Variants in RASA4 observed in about 807,000 individuals in gnomAD.
The protein encoded by RASA4 is ras GTPase-activating protein 4.
Under a neutral mutation model 24.0 loss-of-function variants are expected in RASA4, and 5 were observed. The ratio of observed to expected loss-of-function variants is 0.21; its 90% CI spans 0.11 to 0.44. The LOEUF is 0.44. Among genes scored for constraint, RASA4 ranks in the 20% least tolerant of loss-of-function variants. The probability of loss-of-function intolerance (pLI) is 0.99; values close to 1 mark genes in which losing one functional copy is unlikely to be tolerated. For missense variants in RASA4, 38 were observed against 293.0 expected (o/e 0.13, Z 6.35); for synonymous variants, 9 against 132.7 (o/e 0.07, Z 6.41).
intron 5 of RASA4, among the ~76,000 whole-genome samples, chr7:102,603,955 G>A (rs1392168738): frequency 6.6e-6 from 1 of 150,600 alleles, no homozygotes; most frequent in African/African-American, 2.4e-5. Flanking sequence ...CTGAGGTCAG[G>A]AGTTTGAGAC....
intron 16 of RASA4, among the ~76,000 whole-genome samples, chr7:102,590,874 A>G (rs1221826838): frequency 1.4e-5 from 2 of 138,824 alleles, no homozygotes; most frequent in Non-Finnish European, 3.1e-5. Flanking sequence ...CGGGAGGCGG[A>G]GGTTGCGGTG....
intron 16 of RASA4, among the ~76,000 whole-genome samples, chr7:102,591,826 C>T (rs1790010714): frequency 6.8e-6 from 1 of 146,218 alleles, no homozygotes; most frequent in East Asian, 2.0e-4. Context: ...GGATCAACTT[C>T]CTCCATATTC....
At chr7:102,590,867 G>C (rs1789956734) in intron 16 of RASA4, among the ~76,000 whole-genome samples, 1 of 142,334 alleles carries the variant, frequency 7.0e-6, no homozygotes, top group Non-Finnish European at 1.5e-5. Context: ...TTGAACCCGG[G>C]AGGCGGAGGT....
intron 8 of RASA4, among the ~76,000 whole-genome samples, chr7:102,598,366 T>TATATAC (rs1790325165): frequency 7.7e-6 from 1 of 130,570 alleles, no homozygotes. Context: ...AAAAAATATA[T>TATATAC]ATATATATAT....
Sources: allele counts gnomAD v4.1 joint callset (sites outside exome capture counted in the v4.1 genomes callset), GRCh38; gene constraint gnomAD v4.1.1; transcripts MANE v1.5; gene names NCBI Gene and HGNC (gene_info 2026-07-23, HGNC 2026-07-21).